Variants in KDM4B observed in about 807,000 individuals in gnomAD.
KDM4B encodes lysine-specific demethylase 4B.
In KDM4B, 32 loss-of-function variants were observed where a neutral mutation model predicts 125.2. The ratio of observed to expected loss-of-function variants is 0.26; its 90% confidence interval spans 0.19 to 0.34. KDM4B has a LOEUF of 0.34. KDM4B is among the 10% of genes least tolerant of loss of function. The probability of loss-of-function intolerance (pLI) is 1.00; values close to 1 mark genes in which losing one functional copy is unlikely to be tolerated. For synonymous variants in KDM4B, 721 were observed against 677.9 expected (o/e 1.06, Z -0.99); for missense variants, 1,190 against 1,577.7 (o/e 0.75, Z 4.16).
intron 10 of KDM4B, 33 bp downstream of exon 10, chr19:5,110,851 C>T (rs1414614230): frequency 2.0e-6 from 3 of 1,507,366 alleles, no homozygotes; most frequent in Non-Finnish European, 1.8e-6. Context: ...CGTGACTGCC[C>T]AGCATCACGG....
At chr19:5,063,033 C>T (rs1405951882) in intron 6 of KDM4B, among the ~76,000 whole-genome samples, 1 of 151,816 alleles carries the variant, frequency 6.6e-6, no homozygotes, top group Non-Finnish European at 1.5e-5. Context: ...ATCACATTGG[C>T]TAGTGTCTCT....
chr19:5,114,312 T>A lies in KDM4B; in HGVS notation c.1115+3494T>A, dbSNP rs1233003286. 1 of 1,067,246 alleles carries A rather than the reference T, an allele frequency of 9.4e-7. No individual in the cohort carries two copies. The highest frequency in any genetic ancestry group is 1.6e-5 in the African/African-American group (1 of 61,694). 66.1% of individuals were successfully genotyped at this position (1,067,246 alleles called of 1,614,324 possible). ...CTGTGAGCCCGGCTGGGCCCAGGCC[T>A]CGTCTCCCCTACCCCTCCGAGCTCG... On this transcript the variant is annotated intron_variant, in intron 10 of 22. Transcript: ENST00000159111. The surrounding 1 kb of genome is among the most constrained non-coding windows in gnomAD (Gnocchi z 5.8).
In KDM4B at chr19:5,081,138, C is replaced by T. The variant is rs1304873285; in HGVS notation, c.781-1229C>T. On this transcript the variant is annotated intron_variant, in intron 8 of 22. Coordinates refer to ENST00000159111, the MANE Select transcript of KDM4B (RefSeq NM_015015.3). The surrounding 1 kb of genome is among the most constrained non-coding windows in gnomAD (Gnocchi z 4.2). The stretch of plus-strand genomic sequence containing the variant: ...CCCAGAACTCCGAGCAGCCTGTGAT[C>T]CCTGCGTTTTACTGGATGTTAAATA... 1 of 152,194 alleles carries T rather than the reference C, an allele frequency of 6.6e-6. No homozygotes were observed. Among genetic ancestry groups the T allele is most frequent in the Non-Finnish European group, 1.5e-5 (1 of 68,042 alleles). 9.4% of individuals were successfully genotyped at this position (152,194 alleles called of 1,614,324 possible). A position where few individuals can be genotyped will look rare whatever the true frequency, so the allele number is the denominator to read the frequency against.
chr19:5,014,340 G>A lies in KDM4B; in HGVS notation c.-108-1917G>A, dbSNP rs753102283. 5.9e-5 allele frequency among the ~76,000 whole-genome samples: 9 copies of A among 152,272 alleles called. No homozygotes were observed. In the East Asian group the frequency reaches 1.4e-3, roughly 23 times the overall value. ...TGCCCAGGCTGGGGTGCAGTGGCAC[G>A]ATCTCGGCTCGCTGCAAGCTCCACC... On this transcript the variant is annotated intron_variant, in intron 1 of 22. Coordinates refer to ENST00000159111, the MANE Select transcript of KDM4B (RefSeq NM_015015.3).
At chr19:5,138,344 G>A (rs1174428049) in intron 18 of KDM4B, 4 of 483,628 alleles carry the variant, frequency 8.3e-6, no homozygotes, top group Non-Finnish European at 1.1e-5. Flanking sequence ...GGCATCCTCT[G>A]CAGAATCGAG....
At chr19:5,051,807 C>A (rs181703747) in intron 6 of KDM4B, among the ~76,000 whole-genome samples, 141 of 152,356 alleles carry the variant, frequency 9.3e-4, no homozygotes, top group African/African-American at 3.2e-3. Flanking sequence ...TGACCCGCGG[C>A]AGTCTGGAAA....
chr19:5,103,044 G>A (rs1318037514), intron 9 of KDM4B, among the ~76,000 whole-genome samples: 1 of 152,230 alleles, frequency 6.6e-6, no homozygotes, highest in Non-Finnish European at 1.5e-5. Flanking sequence ...GCCAGTCCTG[G>A]TGATGGCCTG....
At chr19:5,146,590 T>C (rs1044647952) in intron 21 of KDM4B, among the ~76,000 whole-genome samples, 11 of 152,166 alleles carry the variant, frequency 7.2e-5, no homozygotes, top group Admixed American at 7.2e-4. Flanking sequence ...CAAAAGAGAA[T>C]AATCCCTGCT....
Position 5,114,066 on chromosome 19 carries a change from T to C in KDM4B, c.1115+3248T>C, listed in dbSNP as rs539121402. Reference sequence around the variant, plus strand: ...TCGCCTAAAACTGCAGCCTGGCTCCTGGCGGGTGCCCTCAGCCTCCCCACT... The same window carrying C: ...TCGCCTAAAACTGCAGCCTGGCTCCCGGCGGGTGCCCTCAGCCTCCCCACT... On this transcript the variant is annotated intron_variant, in intron 10 of 22. Transcript: ENST00000159111. This position sits in a 1 kb window ranked among gnomAD's most constrained non-coding sequence, Gnocchi z 5.8. The C allele has an allele frequency of 2.6e-5, 34 of 1,288,954 alleles. No homozygotes were observed. The African/African-American group carries it at 4.9e-4, about 18-fold the overall frequency. 79.8% of individuals were successfully genotyped at this position (1,288,954 alleles called of 1,614,324 possible). A position where few individuals can be genotyped will look rare whatever the true frequency, so the allele number is the denominator to read the frequency against.
chr19:5,128,771 T>C (rs1465244378), intron 11 of KDM4B, among the ~76,000 whole-genome samples: 1 of 142,162 alleles, frequency 7.0e-6, no homozygotes, highest in Non-Finnish European at 1.5e-5. Context: ...AAAGTATTTC[T>C]TCCCACGCCA....
intron 9 of KDM4B, among the ~76,000 whole-genome samples, chr19:5,091,459 C>T (rs2038702017): frequency 6.6e-6 from 1 of 152,106 alleles, no homozygotes; most frequent in Admixed American, 6.5e-5. Flanking sequence ...GGGACGATGA[C>T]TTGGATTCCC....
At chr19:5,030,475 C>T (rs1217183448) in intron 2 of KDM4B, among the ~76,000 whole-genome samples, 3 of 152,172 alleles carry the variant, frequency 2.0e-5, no homozygotes, top group African/African-American at 7.2e-5. Flanking sequence ...GGGGGGTGGG[C>T]CAGCCCCTCA....
At chr19:5,063,420 T>G (rs2037667457) in intron 6 of KDM4B, among the ~76,000 whole-genome samples, 1 of 152,212 alleles carries the variant, frequency 6.6e-6, no homozygotes, top group East Asian at 1.9e-4. Flanking sequence ...AGATATTCCC[T>G]ACTGCTTGCC....
At chr19:5,041,106 CT>C in intron 4 of KDM4B, 30 bp from the exon 5 acceptor site, 1 of 1,511,364 alleles carries the variant, frequency 6.6e-7, no homozygotes, top group Non-Finnish European at 9.2e-7. Flanking sequence ...AGGCCTCACC[CT>C]GAGCTGGTTT....
At chr19:5,049,595 A>G (rs747427592) in intron 6 of KDM4B, among the ~76,000 whole-genome samples, 1 of 151,466 alleles carries the variant, frequency 6.6e-6, no homozygotes, top group African/African-American at 2.4e-5. Flanking sequence ...ACTCGCCCCC[A>G]CAGTCAGCTC....
At position 5,137,653 on chromosome 19, in the gene KDM4B, G is replaced by A. The variant is rs369710005; in HGVS notation, c.2418G>A (p.Ala806=). The A allele has an allele frequency of 6.5e-5, 104 of 1,597,272 alleles. No homozygotes were observed. Among genetic ancestry groups the A allele is most frequent in the Middle Eastern group, 5.1e-4 (3 of 5,894 alleles). Residue 806 remains alanine (A), a synonymous_variant, in exon 17 of 23, where the codon GCG becomes GCA. Coordinates refer to ENST00000159111, the MANE Select transcript of KDM4B (RefSeq NM_015015.3). ...ECCLCNLRGG[A]LQMTTDRRWI... ...GCCTGTGCAACCTGCGAGGAGGTGC[G>A]CTGCAGATGACCACCGATAGGAGGT...
At chr19:5,084,563 A>G (rs1173462691) in intron 9 of KDM4B, among the ~76,000 whole-genome samples, 2 of 128,810 alleles carry the variant, frequency 1.6e-5, no homozygotes, top group Admixed American at 8.0e-5. Flanking sequence ...TATAAATTAT[A>G]TAAATTATAT....
At chr19:5,136,164 C>G (rs900507057) in intron 15 of KDM4B, among the ~76,000 whole-genome samples, 1 of 152,152 alleles carries the variant, frequency 6.6e-6, no homozygotes, top group Non-Finnish European at 1.5e-5. Flanking sequence ...TGGGAGGCGA[C>G]AGGAGGAACT....
Position 4,992,411 on chromosome 19 carries a change from T to A in KDM4B, c.-109+23181T>A, listed in dbSNP as rs192092985. On this transcript the variant is annotated intron_variant, in intron 1 of 22. Transcript: ENST00000159111. ...TTTTTAAAAACTGTATAGGCAATTA[T>A]AAATTTCCCTCTAAGTACTGCTTTA... is the stretch of plus-strand genomic sequence containing the variant. Among the ~76,000 whole-genome samples the A allele has an allele frequency of 6.5e-3, 991 of 152,264 alleles. 12 individuals are homozygous for A. Among genetic ancestry groups the A allele is most frequent in the African/African-American group, 0.023 (936 of 41,554 alleles).
Sources: allele counts gnomAD v4.1 joint callset (sites outside exome capture counted in the v4.1 genomes callset), GRCh38; gene constraint gnomAD v4.1.1; non-coding constraint Gnocchi (gnomAD v3.1); transcripts MANE v1.5; gene names NCBI Gene and HGNC (gene_info 2026-07-23, HGNC 2026-07-21).